KARS1: variants seen among roughly 807,000 people sequenced by gnomAD.
KARS1 encodes the protein lysine--tRNA ligase.
In KARS1, 50 loss-of-function variants were observed where a neutral mutation model predicts 63.9. That is an observed-to-expected ratio of 0.78 (90% CI 0.62 to 0.99). The LOEUF is 0.99. Ranked by LOEUF, KARS1 falls within the 50% of genes least tolerant of loss-of-function variation. The pLI is 0.00. For synonymous variants in KARS1, 320 were observed against 264.6 expected (o/e 1.21, Z -2.03); for missense variants, 816 against 754.5 (o/e 1.08, Z -0.95).
In KARS1 at chr16:75,647,588, G is replaced by C; in HGVS notation, c.52C>G (p.Leu18Val). The C allele has an allele frequency of 6.2e-7, 1 of 1,613,418 alleles. No homozygotes were observed. The highest frequency in any genetic ancestry group is 8.5e-7 in the Non-Finnish European group (1 of 1,179,754). Reference sequence around the variant, plus strand: ...CGCAGCGACACTCACTTCTTGCTCAGTTTCGGCTCGCTGCCATCCACTTTC... The same window carrying C: ...CGCAGCGACACTCACTTCTTGCTCACTTTCGGCTCGCTGCCATCCACTTTC... ...EVKVDGSEPKLSKNELKRRLK... is the reference protein window; with the variant it reads ...EVKVDGSEPKVSKNELKRRLK... Residue 18 changes from leucine (L) to valine (V), a missense_variant, in exon 1 of 14, where the codon CTG becomes GTG. Coordinates refer to ENST00000302445, the MANE Select transcript of KARS1 (RefSeq NM_005548.3).
In KARS1 at chr16:75,629,420, C is replaced by T; in HGVS notation, c.1546G>A (p.Ala516Thr). ...MRQRQLFEEQ[A>T]KAKAAGDDEA... ...CTCACAGTCCCCTTTCTCACCTTGG[C>T]CTGTTCTTCAAAAAGCTGCCGCTGC... is the stretch of plus-strand genomic sequence containing the variant. Residue 516 changes from alanine (A) to threonine (T), a missense_variant, in exon 12 of 14, where the codon GCC (alanine) becomes ACC (threonine). Coordinates refer to ENST00000302445, the MANE Select transcript of KARS1 (RefSeq NM_005548.3). The T allele has an allele frequency of 1.9e-6, 3 of 1,613,988 alleles. No homozygotes were observed. Among genetic ancestry groups the T allele is most frequent in the Non-Finnish European group, 2.5e-6 (3 of 1,179,878 alleles).
chr16:75,638,856 T>C (rs1049865950), intron 3 of KARS1, among the ~76,000 whole-genome samples: 2 of 151,966 alleles, frequency 1.3e-5, no homozygotes, highest in African/African-American at 4.8e-5. Context: ...AGAAACAGAA[T>C]AAAAACAAAC....
Position 75,640,004 on chromosome 16 carries a change from T to C in KARS1, c.388+180A>G, listed in dbSNP as rs943586974. 6.4e-6 allele frequency: 4 copies of C among 622,786 alleles called. No individual in the cohort carries two copies. The South Asian group carries it at 7.5e-5, about 12-fold the overall frequency. 38.6% of individuals were successfully genotyped at this position (622,786 alleles called of 1,614,324 possible). A position where few individuals can be genotyped will look rare whatever the true frequency, so the allele number is the denominator to read the frequency against. ...TAGCACTACCTCATCTGGAATATGATTCCATGTCTCAGGGCTGCTCTGCTT... is the reference window on the plus strand; with the variant it reads ...TAGCACTACCTCATCTGGAATATGACTCCATGTCTCAGGGCTGCTCTGCTT... On this transcript the variant is annotated intron_variant, in intron 3 of 13. Coordinates refer to ENST00000302445, the MANE Select transcript of KARS1 (RefSeq NM_005548.3).
At chr16:75,635,345 T>C (rs932962899) in intron 6 of KARS1, 2 of 324,906 alleles carry the variant, frequency 6.2e-6, no homozygotes, top group Admixed American at 8.8e-5. Flanking sequence ...TTTAATTTAT[T>C]GTTTGAATTT....
chr16:75,636,568 A>C (rs1233425030), intron 3 of KARS1, 21 bp from the exon 4 acceptor site: 6 of 1,422,466 alleles, frequency 4.2e-6, no homozygotes, highest in Non-Finnish European at 6.0e-6. Flanking sequence ...AAGAGCAAAA[A>C]TACTGACTGA....
At chr16:75,631,025 C>T in intron 10 of KARS1, 143 bp downstream of exon 10, 1 of 703,138 alleles carries the variant, frequency 1.4e-6, no homozygotes, top group East Asian at 2.7e-5. Flanking sequence ...AGTTAAAAGT[C>T]TGTTAATTCT....
chr16:75,644,517 C>T, intron 1 of KARS1: 1 of 1,291,542 alleles, frequency 7.7e-7, no homozygotes. Context: ...ATACATATAC[C>T]CAACCAACTC....
chr16:75,643,719 G>A (rs910868191), intron 1 of KARS1, among the ~76,000 whole-genome samples: 11 of 152,138 alleles, frequency 7.2e-5, no homozygotes, highest in African/African-American at 2.7e-4. Flanking sequence ...GATTCTGAAT[G>A]GTTTCAAAGT....
At chr16:75,642,154 C>A in intron 1 of KARS1, among the ~76,000 whole-genome samples, 1 of 149,490 alleles carries the variant, frequency 6.7e-6, no homozygotes, top group East Asian at 2.0e-4. Context: ...TTAGTATCCC[C>A]CTAGAAGGTG....
chr16:75,636,304 A>G lies in KARS1; in HGVS notation c.482+150T>C. 3.9e-6 allele frequency: 3 copies of G among 760,234 alleles called. No homozygotes were observed. In the Admixed American group the frequency reaches 5.6e-5, roughly 14 times the overall value. The allele number at this position is 760,234 out of a possible 1,614,324, so 47.1% of individuals were successfully genotyped here. A position where few individuals can be genotyped will look rare whatever the true frequency, so the allele number is the denominator to read the frequency against. ...AGTAGTCATTACTTTACAGGTGACCAGGTGGCCACATTATCCTCTTCTCAG... is the reference window on the plus strand; with the variant it reads ...AGTAGTCATTACTTTACAGGTGACCGGGTGGCCACATTATCCTCTTCTCAG... On this transcript the variant is annotated intron_variant, in intron 4 of 13. Coordinates refer to ENST00000302445, the MANE Select transcript of KARS1 (RefSeq NM_005548.3).
At chr16:75,642,416 G>A (rs1445462762) in intron 1 of KARS1, among the ~76,000 whole-genome samples, 1 of 151,882 alleles carries the variant, frequency 6.6e-6, no homozygotes, top group Non-Finnish European at 1.5e-5. Flanking sequence ...TGGCCAGACT[G>A]GTCTCAAACT....
chr16:75,633,043 A>G (rs1416775744), intron 7 of KARS1, among the ~76,000 whole-genome samples: 2 of 152,174 alleles, frequency 1.3e-5, no homozygotes, highest in Non-Finnish European at 2.9e-5. Flanking sequence ...GACCAAAGAT[A>G]CTGCTCCCTA....
intron 7 of KARS1, 35 bp from the exon 8 acceptor site, chr16:75,631,890 A>T: frequency 6.2e-7 from 1 of 1,611,860 alleles, no homozygotes; most frequent in South Asian, 1.1e-5. Context: ...CATGACAGCT[A>T]ATCTTTTTTT....
chr16:75,636,401 T>C (rs558348583), intron 4 of KARS1, 53 bp downstream of exon 4: 2 of 1,084,492 alleles, frequency 1.8e-6, no homozygotes, highest in Admixed American at 1.7e-5. Context: ...AGCCTATTGC[T>C]GTGTTGCTCT....
At position 75,635,914 on chromosome 16, in the gene KARS1, T is replaced by C. The variant is rs1488479525; in HGVS notation, c.667A>G (p.Lys223Glu). ...LPHLHFGLKDKETRYRQRYLD... is the reference protein window; with the variant it reads ...LPHLHFGLKDEETRYRQRYLD... ...GCTAGGAGGCCAAGAACGCTTACCT[T>C]GTCTTTGAGGCCAAAGTGAAGATGA... The change falls in exon 5 of 14, where the codon AAG becomes GAG. Residue 223 changes from lysine (K) to glutamate (E), a missense_variant and splice_region_variant. Physicochemically the swap from Lys to Glu is moderately conservative, Grantham distance 56 (BLOSUM62 1). Transcript: ENST00000302445. The C allele has an allele frequency of 6.2e-7, 1 of 1,614,148 alleles. No homozygotes were observed. Among genetic ancestry groups the C allele is most frequent in the South Asian group, 1.1e-5 (1 of 91,074 alleles).
rs2233804 is a variant in KARS1, at chr16:75,647,184, T to C, written c.62+394A>G. 3.7e-4 allele frequency among the ~76,000 whole-genome samples: 57 copies of C among 152,290 alleles called. No homozygotes were observed. In the East Asian group the frequency reaches 0.011, roughly 28 times the overall value. On this transcript the variant is annotated intron_variant, in intron 1 of 13. Transcript: ENST00000302445. ...AATTTTGAAGGTCTTTCTGAAAAGC[T>C]AGGGTATTTAACATTTCTCCAACTT...
rs11505 is a variant in KARS1 at position 75,627,836 on chromosome 16, C to T, written c.*59G>A. 3.2e-3 allele frequency: 3,062 copies of T among 962,462 alleles called. 80 individuals are homozygous for T. In the African/African-American group the frequency reaches 0.042, roughly 13 times the overall value. 59.6% of individuals were successfully genotyped at this position (962,462 alleles called of 1,614,324 possible). A position where few individuals can be genotyped will look rare whatever the true frequency, so the allele number is the denominator to read the frequency against. Reference sequence around the variant, plus strand: ...AGCACACAAGAATTCCCTTGCAGACCTTGATCTTTCGCAGAAATGCAAAGA... The same window carrying T: ...AGCACACAAGAATTCCCTTGCAGACTTTGATCTTTCGCAGAAATGCAAAGA... On this transcript the variant is annotated 3_prime_UTR_variant, in exon 14 of 14. Transcript: ENST00000302445.
At chr16:75,643,254 T>C (rs527996024) in intron 1 of KARS1, among the ~76,000 whole-genome samples, 4 of 152,330 alleles carry the variant, frequency 2.6e-5, no homozygotes, top group South Asian at 2.1e-4. Flanking sequence ...TATTCTGCAA[T>C]AGTGAACCAC....
At chr16:75,632,594 C>T (rs763112723) in intron 7 of KARS1, among the ~76,000 whole-genome samples, 5 of 152,182 alleles carry the variant, frequency 3.3e-5, no homozygotes, top group East Asian at 1.9e-4. Context: ...GAGGTCCTAG[C>T]GGCAATGACT....
Sources: allele counts gnomAD v4.1 joint callset (sites outside exome capture counted in the v4.1 genomes callset), GRCh38; gene constraint gnomAD v4.1.1; transcripts MANE v1.5; gene names NCBI Gene and HGNC (gene_info 2026-07-23, HGNC 2026-07-21).